FCAR: variants seen among roughly 807,000 people sequenced by gnomAD.
FCAR encodes the protein Fc alpha receptor.
A neutral mutation model predicts 27.1 loss-of-function variants in FCAR; 21 were observed. The ratio of observed to expected loss-of-function variants is 0.77; its 90% confidence interval spans 0.55 to 1.11. FCAR has a LOEUF of 1.11. Ranked by LOEUF, FCAR falls within the 50% of genes most tolerant of loss-of-function variation. The pLI, the probability that FCAR is intolerant of heterozygous loss-of-function variation, is 0.00. For synonymous variants in FCAR, 134 were observed against 135.8 expected (o/e 0.99, Z 0.09); for missense variants, 404 against 358.4 (o/e 1.13, Z -1.03).
intron 2 of FCAR, among the ~76,000 whole-genome samples, chr19:54,879,841 G>A (rs1212117249): frequency 1.3e-5 from 2 of 152,050 alleles, no homozygotes; most frequent in African/African-American, 2.4e-5. Flanking sequence ...CCACCACCAC[G>A]CCCAGCTAAT....
Position 54,888,253 on chromosome 19 carries a change from T to C in FCAR, c.608T>C (p.Leu203Pro). 6.2e-7 allele frequency: 1 copy of C among 1,614,176 alleles called. No individual in the cohort carries two copies. The highest frequency in any genetic ancestry group is 8.5e-7 in the Non-Finnish European group (1 of 1,180,004). The change falls in exon 4 of 5, where the codon CTG becomes CCG. Residue 203 changes from leucine to proline, a missense_variant. Physicochemically the swap from Leu to Pro is moderately conservative, Grantham distance 98. Coordinates refer to ENST00000355524, the MANE Select transcript of FCAR (RefSeq NM_002000.4). ...CYGWYNRSPY[L>P]WSFPSNALEL... ...GGTTGGTACAACAGGAGCCCCTACC[T>C]GTGGTCCTTCCCCAGTAATGCCTTG...
At position 54,890,331 on chromosome 19, in the gene FCAR, G is replaced by T. The variant is rs2067009577; in HGVS notation, c.*468G>T. ...TTTGCACCCACCTTTCTGCACATAA[G>T]TTATGGTTTTCCATCTTATCTGTCT... On this transcript the variant is annotated 3_prime_UTR_variant, in exon 5 of 5. Coordinates refer to ENST00000355524, the MANE Select transcript of FCAR (RefSeq NM_002000.4). 6.5e-6 allele frequency: 1 copy of T among 153,710 alleles called. No homozygotes were observed. 9.5% of individuals were successfully genotyped at this position (153,710 alleles called of 1,614,324 possible).
At chr19:54,875,222 T>A in intron 1 of FCAR, 108 bp from the exon 2 acceptor site, 1 of 829,260 alleles carries the variant, frequency 1.2e-6, no homozygotes, top group African/African-American at 1.7e-5. Context: ...GGGATTGAGC[T>A]GTGAATCCAT....
In FCAR at chr19:54,888,386, G is replaced by A. The variant is rs1043380002; in HGVS notation, c.649+92G>A. The A allele has an allele frequency of 2.6e-6, 4 of 1,534,138 alleles. No individual in the cohort carries two copies. The African/African-American group carries it at 5.5e-5, about 21-fold the overall frequency. ...TATGAAGACGTGCACTGAGAGTGAA[G>A]TGAAGAGAGGCAAAGGCTCTCACTC... On this transcript the variant is annotated intron_variant, in intron 4 of 4. Coordinates refer to ENST00000355524, the MANE Select transcript of FCAR (RefSeq NM_002000.4).
At chr19:54,874,893 G>T (rs1425979688) in intron 1 of FCAR, among the ~76,000 whole-genome samples, 3 of 152,024 alleles carry the variant, frequency 2.0e-5, no homozygotes, top group Non-Finnish European at 4.4e-5. Flanking sequence ...CTTCTTGGCC[G>T]GGCGCAGTGG....
chr19:54,877,756 T>G (rs1157812891), intron 2 of FCAR, among the ~76,000 whole-genome samples: 1 of 152,180 alleles, frequency 6.6e-6, no homozygotes, highest in Admixed American at 6.5e-5. Context: ...CCCTTAACAC[T>G]GCCTTAGCTG....
chr19:54,885,289 A>C lies in FCAR; in HGVS notation c.125A>C (p.Asp42Ala), dbSNP rs146751566. Reference sequence around the variant, plus strand: ...AAATCGAGTCCTGTGATTCCCTTGGATGGATCTGTGAAAATCCAGTGCCAG... The same window carrying C: ...AAATCGAGTCCTGTGATTCCCTTGGCTGGATCTGTGAAAATCCAGTGCCAG... ...SAKSSPVIPL[D>A]GSVKIQCQAI... The change falls in exon 3 of 5, where the codon GAT (aspartate) becomes GCT (alanine). Residue 42 changes from aspartate (D) to alanine (A), a missense_variant. By Grantham distance (126) the Asp-to-Ala change is moderately radical. Transcript: ENST00000355524. 1.2e-6 allele frequency: 2 copies of C among 1,613,952 alleles called. No individual in the cohort carries two copies. The highest frequency in any genetic ancestry group is 1.7e-4 in the Middle Eastern group (1 of 6,058).
intron 2 of FCAR, among the ~76,000 whole-genome samples, chr19:54,883,871 G>T (rs587606835): frequency 1.3e-5 from 2 of 152,184 alleles, no homozygotes; most frequent in Admixed American, 6.5e-5. Context: ...GCAGAAGAAT[G>T]GTGTGAACCC....
chr19:54,884,735 C>A (rs587753845), intron 2 of FCAR, among the ~76,000 whole-genome samples: 1 of 151,814 alleles, frequency 6.6e-6, no homozygotes, highest in Non-Finnish European at 1.5e-5. Flanking sequence ...ATGCTCAGTA[C>A]CTGGGTGACA....
At chr19:54,887,880 G>A (rs940493536) in intron 3 of FCAR, 127 bp from the exon 4 acceptor site, 26 of 671,274 alleles carry the variant, frequency 3.9e-5, no homozygotes, top group Non-Finnish European at 5.6e-5. Context: ...TCACGCCACT[G>A]CACTCCAGCT....
chr19:54,881,203 G>C (rs1049013344), intron 2 of FCAR, among the ~76,000 whole-genome samples: 1 of 152,220 alleles, frequency 6.6e-6, no homozygotes, highest in African/African-American at 2.4e-5. Flanking sequence ...CGACTGCACT[G>C]TGGGTCCAAG....
At chr19:54,888,725 C>G in intron 4 of FCAR, 1 of 733,672 alleles carries the variant, frequency 1.4e-6, no homozygotes, top group Non-Finnish European at 1.7e-6. Context: ...AGGCTGGTCT[C>G]GAACTCCCGA....
At chr19:54,881,614 C>T (rs7247547) in intron 2 of FCAR, among the ~76,000 whole-genome samples, 15,158 of 151,914 alleles carry the variant, frequency 0.1, 846 homozygotes, top group African/African-American at 0.15. Flanking sequence ...GACTCACGCC[C>T]GGAATCCCAG....
chr19:54,884,959 A>T (rs1043321321), intron 2 of FCAR, among the ~76,000 whole-genome samples: 2 of 151,858 alleles, frequency 1.3e-5, no homozygotes, highest in African/African-American at 4.8e-5. Flanking sequence ...CGCGCCCGCC[A>T]CCACGTCCTG....
chr19:54,876,015 T>A (rs1248059805), intron 2 of FCAR, among the ~76,000 whole-genome samples: 1 of 152,254 alleles, frequency 6.6e-6, no homozygotes. Context: ...CTTTGACCAG[T>A]GTTTTGTAGT....
intron 2 of FCAR, 42 bp downstream of exon 2, chr19:54,875,407 T>C (rs1274357307): frequency 7.8e-6 from 12 of 1,547,798 alleles, no homozygotes; most frequent in Non-Finnish European, 1.1e-5. Context: ...TTAGACCCTC[T>C]TGGGAGCTCT....
Position 54,889,851 on chromosome 19 carries a change from T to C in FCAR, c.852T>C (p.Ser284=). The part of the protein sequence containing the change: ...QPGLTFARTP[S]VCK ...GATTGACCTTTGCACGAACACCAAG[T>C]GTCTGCAAGTAAACACCTGGAGGTG... The change falls in exon 5 of 5, where the codon AGT becomes AGC. Residue 284 remains serine, a synonymous_variant. Transcript: ENST00000355524. 1 of 1,602,572 alleles carries C rather than the reference T, an allele frequency of 6.2e-7. No individual in the cohort carries two copies. The highest frequency in any genetic ancestry group is 8.5e-7 in the Non-Finnish European group (1 of 1,179,444).
rs775018175 is a variant in FCAR at position 54,889,907 on chromosome 19, C to A, written c.*44C>A. The A allele has an allele frequency of 5.8e-6, 8 of 1,376,206 alleles. No individual in the cohort carries two copies. Among genetic ancestry groups the A allele is most frequent in the African/African-American group, 1.4e-5 (1 of 69,976 alleles). The allele number at this position is 1,376,206 out of a possible 1,614,324, so 85.2% of individuals were successfully genotyped here. ...AGAGAGGAGCCAGGACTGTGGAGTC[C>A]GACAAAGCTACTTGAAGGACACAAG... On this transcript the variant is annotated 3_prime_UTR_variant, in exon 5 of 5. Coordinates refer to ENST00000355524, the MANE Select transcript of FCAR (RefSeq NM_002000.4).
chr19:54,884,810 TTTG>T (rs982449936), intron 2 of FCAR, among the ~76,000 whole-genome samples: 14 of 151,208 alleles, frequency 9.3e-5, no homozygotes, highest in Non-Finnish European at 1.3e-4. Flanking sequence ...TTTTAATTTT[TTTG>T]TTGTTGTTGT....
Sources: gnomAD v4.1 joint callset for allele counts (sites outside exome capture counted in the v4.1 genomes callset) on GRCh38, gnomAD v4.1.1 for gene constraint, MANE v1.5 for transcripts, NCBI Gene and HGNC (gene_info 2026-07-23, HGNC 2026-07-21) for gene names.